The following PRKCA variants were observed in gnomAD, a reference collection of about 807,000 sequenced individuals.
The protein encoded by PRKCA is protein kinase C alpha type.
Under a neutral mutation model 87.0 loss-of-function variants are expected in PRKCA, and 27 were observed. The observed-to-expected ratio is 0.31, with a 90% CI of 0.23 to 0.43. PRKCA has a LOEUF of 0.43. Ranked by LOEUF, PRKCA falls within the 20% of genes least tolerant of loss-of-function variation. The probability of loss-of-function intolerance (pLI) is 1.00; values close to 1 mark genes in which losing one functional copy is unlikely to be tolerated. For synonymous variants in PRKCA, 329 were observed against 311.1 expected, an observed-to-expected ratio of 1.06 and a Z score of -0.61; for missense variants, 518 against 852.3, an observed-to-expected ratio of 0.61 and a Z score of 4.88.
At chr17:66,362,660 AG>A (rs1016252203) in intron 2 of PRKCA, among the ~76,000 whole-genome samples, 10 of 146,002 alleles carry the variant, frequency 6.8e-5, no homozygotes, top group African/African-American at 2.5e-4. Flanking sequence ...TCAACTAGTG[AG>A]GTGCCTTGCA....
At chr17:66,483,969 C>G (rs1299212543) in intron 2 of PRKCA, among the ~76,000 whole-genome samples, 2 of 151,970 alleles carry the variant, frequency 1.3e-5, no homozygotes, top group East Asian at 3.9e-4. Flanking sequence ...AAAGAGATAC[C>G]CGAGACTAGG....
intron 2 of PRKCA, among the ~76,000 whole-genome samples, chr17:66,331,933 A>G (rs1357466682): frequency 1.3e-5 from 2 of 152,246 alleles, no homozygotes; most frequent in Non-Finnish European, 2.9e-5. Context: ...AAGACAATAT[A>G]AACTACGCAT....
intron 3 of PRKCA, among the ~76,000 whole-genome samples, chr17:66,538,311 A>G (rs1967859271): frequency 6.6e-6 from 1 of 152,044 alleles, no homozygotes; most frequent in African/African-American, 2.4e-5. Context: ...GCAACCTGCC[A>G]CCCAACTGAC....
intron 2 of PRKCA, among the ~76,000 whole-genome samples, chr17:66,469,450 A>G (rs1204177798): frequency 6.6e-6 from 1 of 152,256 alleles, no homozygotes; most frequent in Non-Finnish European, 1.5e-5. Context: ...ACACCCGTCA[A>G]TCACGTGACA....
chr17:66,749,639 C>T (rs1310422010), intron 13 of PRKCA, among the ~76,000 whole-genome samples: 5 of 152,202 alleles, frequency 3.3e-5, no homozygotes, highest in Non-Finnish European at 7.3e-5. Flanking sequence ...GGCTGCTGTG[C>T]CCCTACCCCA....
At chr17:66,795,717 G>A (rs1975648466) in intron 16 of PRKCA, among the ~76,000 whole-genome samples, 1 of 152,162 alleles carries the variant, frequency 6.6e-6, no homozygotes, top group Admixed American at 6.5e-5. Flanking sequence ...TTCCATTGTT[G>A]GCAGTGAAGG....
intron 5 of PRKCA, among the ~76,000 whole-genome samples, chr17:66,658,066 G>A (rs1971784358): frequency 6.6e-6 from 1 of 152,178 alleles, no homozygotes; most frequent in South Asian, 2.1e-4. Context: ...TGCAGGGCTG[G>A]GGAGGCCTCA....
intron 8 of PRKCA, among the ~76,000 whole-genome samples, chr17:66,691,364 TAG>T (rs1216525565): frequency 2.0e-5 from 3 of 152,144 alleles, no homozygotes; most frequent in African/African-American, 7.2e-5. Flanking sequence ...TATCTATCAA[TAG>T]AGAGAAAAGA....
At chr17:66,486,261 A>G (rs1915985520) in intron 2 of PRKCA, among the ~76,000 whole-genome samples, 1 of 152,244 alleles carries the variant, frequency 6.6e-6, no homozygotes, top group Admixed American at 6.5e-5. Context: ...TCAAGATTTC[A>G]TTCATGCATA....
chr17:66,747,226 C>A (rs114545884), intron 13 of PRKCA, among the ~76,000 whole-genome samples: 14 of 152,236 alleles, frequency 9.2e-5, no homozygotes, highest in Admixed American at 7.8e-4. Flanking sequence ...TGTGCCACCA[C>A]GCCTGCTAAT....
intron 3 of PRKCA, among the ~76,000 whole-genome samples, chr17:66,539,807 A>G (rs985886767): frequency 2.6e-5 from 4 of 152,190 alleles, no homozygotes; most frequent in East Asian, 3.8e-4. Context: ...ATTTGAAGGG[A>G]TGAGTTTCCT....
At chr17:66,328,227 T>G (rs530771838) in intron 2 of PRKCA, among the ~76,000 whole-genome samples, 20 of 152,134 alleles carry the variant, frequency 1.3e-4, no homozygotes, top group Middle Eastern at 3.4e-3. Flanking sequence ...CAATTTTTTT[T>G]GTTTTGATAG....
At chr17:66,444,142 G>A (rs1567832032) in intron 2 of PRKCA, among the ~76,000 whole-genome samples, 1 of 152,190 alleles carries the variant, frequency 6.6e-6, no homozygotes, top group Non-Finnish European at 1.5e-5. Flanking sequence ...AAATACTCAT[G>A]GATTCAAAGG....
intron 3 of PRKCA, among the ~76,000 whole-genome samples, chr17:66,591,481 T>TA (rs1969802879): frequency 6.6e-6 from 1 of 152,124 alleles, no homozygotes; most frequent in South Asian, 2.1e-4. Flanking sequence ...TGTTAATACT[T>TA]ACAAGGAAAC....
chr17:66,764,082 C>T lies in PRKCA; in HGVS notation c.1525-9905C>T, dbSNP rs113295826. The stretch of plus-strand genomic sequence containing the variant: ...CCGATGACCAGGGTTCTAATCCAAG[C>T]GTTGCTGCTTGCAAGCTCTGTAACA... On this transcript the variant is annotated intron_variant, in intron 13 of 16. Coordinates refer to ENST00000413366, the MANE Select transcript of PRKCA (RefSeq NM_002737.3). 1.5e-3 allele frequency among the ~76,000 whole-genome samples: 224 copies of T among 152,310 alleles called. 1 individual carries two copies. The highest frequency in any genetic ancestry group is 2.0e-3 in the African/African-American group (85 of 41,568).
At chr17:66,510,994 AC>A (rs1477019627) in intron 3 of PRKCA, among the ~76,000 whole-genome samples, 1 of 151,996 alleles carries the variant, frequency 6.6e-6, no homozygotes, top group African/African-American at 2.4e-5. Context: ...TGATCTGCCC[AC>A]CCCTGCTCCC....
chr17:66,787,284 G>T, intron 15 of PRKCA: 1 of 461,372 alleles, frequency 2.2e-6, no homozygotes, highest in Non-Finnish European at 4.4e-6. Context: ...GCTATGCAGT[G>T]TTCCACTGTG....
chr17:66,493,857 G>A (rs1345513027), intron 2 of PRKCA, among the ~76,000 whole-genome samples: 2 of 152,180 alleles, frequency 1.3e-5, no homozygotes, highest in Non-Finnish European at 2.9e-5. Context: ...TTAGCAGCCT[G>A]CATGATGATG....
At chr17:66,662,060 G>A (rs1416935409) in intron 5 of PRKCA, among the ~76,000 whole-genome samples, 1 of 152,218 alleles carries the variant, frequency 6.6e-6, no homozygotes, top group East Asian at 1.9e-4. Flanking sequence ...CCTCTGTCCT[G>A]AGAAGAGCCA....
Sources: gnomAD v4.1 joint callset for allele counts (sites outside exome capture counted in the v4.1 genomes callset) on GRCh38, gnomAD v4.1.1 for gene constraint, MANE v1.5 for transcripts, NCBI Gene and HGNC (gene_info 2026-07-23, HGNC 2026-07-21) for gene names.